Variants in ACOT7 observed in about 807,000 individuals in gnomAD.
The protein encoded by ACOT7 is acyl-CoA thioesterase 7.
Under a neutral mutation model 40.2 loss-of-function variants are expected in ACOT7, and 12 were observed. The observed-to-expected ratio is 0.30, with a 90% confidence interval of 0.19 to 0.48. The LOEUF (loss-of-function observed/expected upper bound fraction) is 0.48, where lower values mean the gene tolerates loss of function less well. Ranked by LOEUF, ACOT7 falls within the 20% of genes least tolerant of loss-of-function variation. ACOT7 has a pLI of 0.99. For missense variants in ACOT7, 395 were observed against 530.8 expected (o/e 0.74, Z 2.51); for synonymous variants, 228 against 219.5 (o/e 1.04, Z -0.34).
chr1:6,316,961 C>T (rs1640513541), intron 6 of ACOT7, among the ~76,000 whole-genome samples: 1 of 152,168 alleles, frequency 6.6e-6, no homozygotes, highest in Admixed American at 6.5e-5. Flanking sequence ...TGAGGTGTCC[C>T]TGGTAGAAAT....
intron 1 of ACOT7, among the ~76,000 whole-genome samples, chr1:6,365,377 A>AT (rs1182997200): frequency 2.0e-5 from 3 of 152,122 alleles, no homozygotes; most frequent in Non-Finnish European, 4.4e-5. Context: ...AAGTCACATG[A>AT]TTTTTTTGGT....
At chr1:6,390,096 G>A (rs551386046) in intron 1 of ACOT7, among the ~76,000 whole-genome samples, 3 of 152,082 alleles carry the variant, frequency 2.0e-5, no homozygotes, top group South Asian at 2.1e-4. Flanking sequence ...AGTGTCCTGC[G>A]GTTTCTCTGA....
chr1:6,279,216 T>C (rs1448570910), intron 8 of ACOT7, among the ~76,000 whole-genome samples: 1 of 152,118 alleles, frequency 6.6e-6, no homozygotes, highest in Non-Finnish European at 1.5e-5. Flanking sequence ...TGGAGCCTCA[T>C]AGCAGGGTCA....
intron 1 of ACOT7, among the ~76,000 whole-genome samples, chr1:6,386,426 ACAGT>A (rs1353002632): frequency 1.3e-5 from 2 of 152,034 alleles, no homozygotes; most frequent in Non-Finnish European, 2.9e-5. Context: ...CAGCCCCAAA[ACAGT>A]CAGCTCAGGG....
rs879288987 is a variant in ACOT7 at position 6,299,751 on chromosome 1, CTGAG to C, written c.713-4775_713-4772del. Among the ~76,000 whole-genome samples, 7 of 152,242 alleles carry C rather than the reference CTGAG, an allele frequency of 4.6e-5. No individual in the cohort carries two copies. Among genetic ancestry groups the C allele is most frequent in the Admixed American group, 2.6e-4 (4 of 15,296 alleles). The stretch of plus-strand genomic sequence containing the variant: ...TAGCGGCAGAGCTGCAGCCCACAGA[CTGAG>C]TTCTTCTAGGTTGATCTGCCTCATA... On this transcript the variant is annotated intron_variant, in intron 6 of 8. Coordinates refer to ENST00000361521, the MANE Select transcript of ACOT7 (RefSeq NM_007274.4). This position sits in a 1 kb window ranked among gnomAD's most constrained non-coding sequence, Gnocchi z 4.1.
rs552102775 is a variant in ACOT7 at position 6,275,066 on chromosome 1, T to C, written c.1014+6036A>G. 6.6e-6 allele frequency among the ~76,000 whole-genome samples: 1 copy of C among 152,136 alleles called. No individual in the cohort carries two copies. Among genetic ancestry groups the C allele is most frequent in the Non-Finnish European group, 1.5e-5 (1 of 68,008 alleles). ...CTGGTGCCCGCCTCCTGTCTGGGGA[T>C]GGGAAGCATCTGTGAGCAGACACAC... On this transcript the variant is annotated intron_variant, in intron 8 of 8. Transcript: ENST00000361521. The surrounding 1 kb of genome is among the most constrained non-coding windows in gnomAD (Gnocchi z 5.6).
chr1:6,302,553 C>A (rs1033496955), intron 6 of ACOT7, among the ~76,000 whole-genome samples: 3 of 152,108 alleles, frequency 2.0e-5, no homozygotes, highest in African/African-American at 7.2e-5. Flanking sequence ...TTCACAAATG[C>A]ACTTTTTAGT....
chr1:6,383,798 G>A (rs935132488), intron 1 of ACOT7, among the ~76,000 whole-genome samples: 18 of 151,596 alleles, frequency 1.2e-4, no homozygotes, highest in African/African-American at 4.3e-4. Flanking sequence ...TCCGCCTCCC[G>A]GGTTCAAGCC....
In ACOT7 at chr1:6,264,424, T is replaced by C; in HGVS notation, c.*173A>G. The C allele has an allele frequency of 1.6e-6, 1 of 614,388 alleles. No individual in the cohort carries two copies. Among genetic ancestry groups the C allele is most frequent in the Non-Finnish European group, 2.9e-6 (1 of 350,488 alleles). The allele number at this position is 614,388 out of a possible 1,614,324, so 38.1% of individuals were successfully genotyped here. On this transcript the variant is annotated 3_prime_UTR_variant, in exon 9 of 9. Coordinates refer to ENST00000361521, the MANE Select transcript of ACOT7 (RefSeq NM_007274.4). ...TACTGGAATGATATAAATAAAGCTT[T>C]GGTGTGTAGGTTTGCAGGAGAGAGT...
chr1:6,343,423 T>C (rs1452979732), intron 2 of ACOT7, among the ~76,000 whole-genome samples: 1 of 152,246 alleles, frequency 6.6e-6, no homozygotes, highest in East Asian at 1.9e-4. Flanking sequence ...GCGCAGGGAC[T>C]CTGTGACTGC....
intron 1 of ACOT7, among the ~76,000 whole-genome samples, chr1:6,356,572 C>A (rs1411854171): frequency 1.3e-5 from 2 of 152,176 alleles, no homozygotes; most frequent in Non-Finnish European, 2.9e-5. Flanking sequence ...CCTTCCACAG[C>A]CCAGCACACG....
chr1:6,270,469 TG>T (rs1449169884), intron 8 of ACOT7, among the ~76,000 whole-genome samples: 1 of 152,182 alleles, frequency 6.6e-6, no homozygotes, highest in Non-Finnish European at 1.5e-5. Flanking sequence ...TCCGAGCCTC[TG>T]GGGCTCCCCA....
chr1:6,388,789 A>C (rs909729497), intron 1 of ACOT7, among the ~76,000 whole-genome samples: 3 of 148,180 alleles, frequency 2.0e-5, no homozygotes, highest in Admixed American at 6.8e-5. Flanking sequence ...CCGTAATCCC[A>C]GCACTTTGGG....
At chr1:6,267,430 A>G (rs949025485) in intron 8 of ACOT7, among the ~76,000 whole-genome samples, 1 of 152,038 alleles carries the variant, frequency 6.6e-6, no homozygotes, top group Admixed American at 6.5e-5. Context: ...GGCCCTGGAG[A>G]GGGGCTGAGG....
In ACOT7 at chr1:6,333,492, C is replaced by A; in HGVS notation, c.495G>T (p.Glu165Asp). The change falls in exon 4 of 9, where the codon GAG becomes GAT. Residue 165 changes from glutamate (E) to aspartate (D), a missense_variant. Glu to Asp is a conservative substitution (Grantham distance 45). Coordinates refer to ENST00000361521, the MANE Select transcript of ACOT7 (RefSeq NM_007274.4). ...LSLKNVDKVL[E>D]VPPVVYSRQE... The stretch of plus-strand genomic sequence containing the variant: ...GGCACCTTACCACAACAGGAGGCAC[C>A]TCGAGGACCTTGTCCACATTCTTCA... 1 of 1,614,238 alleles carries A rather than the reference C, an allele frequency of 6.2e-7. No homozygotes were observed.
At position 6,393,348 on chromosome 1, in the gene ACOT7, C is replaced by G. The variant is rs768584764; in HGVS notation, c.52G>C (p.Ala18Pro). 2.2e-4 allele frequency: 281 copies of G among 1,249,824 alleles called. No individual in the cohort carries two copies. The highest frequency in any genetic ancestry group is 2.7e-4 in the Non-Finnish European group (268 of 996,920). The allele number at this position is 1,249,824 out of a possible 1,614,324, so 77.4% of individuals were successfully genotyped here. A position where few individuals can be genotyped will look rare whatever the true frequency, so the allele number is the denominator to read the frequency against. ...GATGCGGCGGGCGGCTGCAGAAGGGCGCAGGTGTCTGGCAGGCCCGGCGCG... is the reference window on the plus strand; with the variant it reads ...GATGCGGCGGGCGGCTGCAGAAGGGGGCAGGTGTCTGGCAGGCCCGGCGCG... ...HSAPGLPDTC[A>P]LLQPPAASAA... is the part of the protein sequence containing the mutation. Residue 18 changes from alanine (A) to proline (P), a missense_variant, in exon 1 of 9, where the codon GCC (alanine) becomes CCC (proline). Ala to Pro is a conservative substitution (Grantham distance 27, BLOSUM62 -1). Transcript: ENST00000361521.
At chr1:6,377,108 C>T (rs533051453) in intron 1 of ACOT7, among the ~76,000 whole-genome samples, 1 of 152,312 alleles carries the variant, frequency 6.6e-6, no homozygotes, top group African/African-American at 2.4e-5. Flanking sequence ...ATGTGGAGCA[C>T]AGGAGCCCTC....
chr1:6,310,549 G>A (rs182570888), intron 6 of ACOT7, among the ~76,000 whole-genome samples: 12 of 152,328 alleles, frequency 7.9e-5, no homozygotes, highest in Non-Finnish European at 1.3e-4. Context: ...CTGGACATAG[G>A]GACACGGTTG....
In ACOT7 at chr1:6,311,817, C is replaced by T. The variant is rs537081173; in HGVS notation, c.712+6675G>A. Among the ~76,000 whole-genome samples, 88 of 152,316 alleles carry T rather than the reference C, an allele frequency of 5.8e-4. No homozygotes were observed. Among genetic ancestry groups the T allele is most frequent in the African/African-American group, 2.0e-3 (83 of 41,558 alleles). ...CTTTCCCAGGGTAGGACGTTTACCG[C>T]GGCAGTGCTGCCCCAGCCTGTCCCC... is the stretch of plus-strand genomic sequence containing the variant. On this transcript the variant is annotated intron_variant, in intron 6 of 8. Coordinates refer to ENST00000361521, the MANE Select transcript of ACOT7 (RefSeq NM_007274.4). This position sits in a 1 kb window ranked among gnomAD's most constrained non-coding sequence, Gnocchi z 5.2.
Sources: gnomAD v4.1 joint callset for allele counts (sites outside exome capture counted in the v4.1 genomes callset) on GRCh38, gnomAD v4.1.1 for gene constraint, Gnocchi (gnomAD v3.1) non-coding constraint, MANE v1.5 for transcripts, NCBI Gene and HGNC (gene_info 2026-07-23, HGNC 2026-07-21) for gene names.